Variants in LRP1B observed in about 807,000 individuals in gnomAD.
The protein encoded by LRP1B is LDL receptor related protein 1B.
A neutral mutation model predicts 556.6 loss-of-function variants in LRP1B; 217 were observed. The observed-to-expected ratio is 0.39, with a 90% CI of 0.35 to 0.44. The LOEUF (loss-of-function observed/expected upper bound fraction) is 0.44, where lower values mean the gene tolerates loss of function less well. LRP1B is among the 20% of genes least tolerant of loss of function. The pLI, the probability that LRP1B is intolerant of heterozygous loss-of-function variation, is 1.00. For synonymous variants in LRP1B, 2,047 were observed against 1,865.8 expected (o/e 1.10, Z -2.50); for missense variants, 5,053 against 5,620.8 (o/e 0.90, Z 3.23).
intron 25 of LRP1B, among the ~76,000 whole-genome samples, chr2:140,874,520 C>T (rs1000963018): frequency 6.6e-6 from 1 of 151,942 alleles, no homozygotes; most frequent in Non-Finnish European, 1.5e-5. Flanking sequence ...TTTCTTTTGC[C>T]TTTGGTAACC....
intron 2 of LRP1B, among the ~76,000 whole-genome samples, chr2:141,798,439 G>A (rs1695892879): frequency 6.6e-6 from 1 of 152,090 alleles, no homozygotes; most frequent in Non-Finnish European, 1.5e-5. Context: ...CAGGCACGGT[G>A]GCTCACGCCT....
At chr2:141,954,402 AG>A (rs1275079255) in intron 1 of LRP1B, among the ~76,000 whole-genome samples, 2 of 152,112 alleles carry the variant, frequency 1.3e-5, no homozygotes, top group African/African-American at 4.8e-5. Context: ...TATTTATTGC[AG>A]GGAAGTGTAC....
intron 87 of LRP1B, among the ~76,000 whole-genome samples, chr2:140,246,309 T>C (rs1178543632): frequency 6.6e-6 from 1 of 151,452 alleles, no homozygotes; most frequent in Non-Finnish European, 1.5e-5. Context: ...TGCAAGTTTA[T>C]TTACACCCAA....
chr2:141,927,351 TA>T (rs762191636), intron 1 of LRP1B, among the ~76,000 whole-genome samples: 6 of 152,164 alleles, frequency 3.9e-5, no homozygotes, highest in Non-Finnish European at 8.8e-5. Context: ...TAAATTTGTC[TA>T]AAGTTTTGAA....
At chr2:141,912,309 C>T (rs997654820) in intron 1 of LRP1B, among the ~76,000 whole-genome samples, 1 of 152,014 alleles carries the variant, frequency 6.6e-6, no homozygotes, top group Non-Finnish European at 1.5e-5. Context: ...AATCCCAACA[C>T]CAAAGTAGAT....
intron 1 of LRP1B, among the ~76,000 whole-genome samples, chr2:142,058,064 A>G (rs1380532260): frequency 6.6e-6 from 1 of 152,172 alleles, no homozygotes; most frequent in Non-Finnish European, 1.5e-5. Flanking sequence ...AGAAATAGGT[A>G]TGAATATGTA....
chr2:141,196,463 C>T (rs188615718), intron 6 of LRP1B, among the ~76,000 whole-genome samples: 5 of 152,192 alleles, frequency 3.3e-5, no homozygotes, highest in African/African-American at 1.2e-4. Flanking sequence ...CATCCTCCCA[C>T]AATCTAATTT....
At chr2:141,624,862 C>T (rs990534428) in intron 2 of LRP1B, among the ~76,000 whole-genome samples, 5 of 152,122 alleles carry the variant, frequency 3.3e-5, no homozygotes, top group African/African-American at 1.2e-4. Context: ...CTCCGCCTCC[C>T]AGGTTCATTC....
At chr2:141,103,708 G>GT (rs556602725) in intron 7 of LRP1B, among the ~76,000 whole-genome samples, 85,524 of 144,970 alleles carry the variant, frequency 0.59, 25,175 homozygotes, top group Middle Eastern at 0.76. Flanking sequence ...TAAGGCTGAA[G>GT]TTTTTTTTTT....
intron 2 of LRP1B, among the ~76,000 whole-genome samples, chr2:141,781,601 A>G (rs1695256940): frequency 1.3e-5 from 2 of 152,218 alleles, no homozygotes; most frequent in South Asian, 2.1e-4. Flanking sequence ...GGAAAGCAGC[A>G]TTTGTTTGAA....
chr2:141,129,821 T>C (rs1048236012), intron 7 of LRP1B, among the ~76,000 whole-genome samples: 4 of 148,258 alleles, frequency 2.7e-5, no homozygotes, highest in African/African-American at 1.0e-4. Flanking sequence ...TATGTAAATA[T>C]GAAAATGATT....
intron 41 of LRP1B, chr2:140,683,776 T>A (rs1345438700): frequency 5.2e-6 from 5 of 967,824 alleles, no homozygotes; most frequent in Non-Finnish European, 8.1e-6. Context: ...CTGACAGGAG[T>A]GGTCAGCTGT....
rs28619874 is a variant in LRP1B at position 141,414,385 on chromosome 2, G to A, written c.343+66011C>T. On this transcript the variant is annotated intron_variant, in intron 3 of 90. Transcript: ENST00000389484. Reference sequence around the variant, plus strand: ...GAAGAGCGGAAAGGAGGGAGGGAGGGAGGAAGAAAGGAAGACAACTAAAGC... The same window carrying A: ...GAAGAGCGGAAAGGAGGGAGGGAGGAAGGAAGAAAGGAAGACAACTAAAGC... Among the ~76,000 whole-genome samples the A allele has an allele frequency of 9.1e-3, 1,372 of 151,332 alleles. 19 individuals carry two copies. Among genetic ancestry groups the A allele is most frequent in the African/African-American group, 0.03 (1,254 of 41,140 alleles).
chr2:141,294,763 A>G (rs1255795130), intron 3 of LRP1B, among the ~76,000 whole-genome samples: 1 of 151,148 alleles, frequency 6.6e-6, no homozygotes, highest in Non-Finnish European at 1.5e-5. Flanking sequence ...ATAGAAACCT[A>G]AAACAAAAAT....
At chr2:141,469,396 C>T (rs1682372719) in intron 3 of LRP1B, among the ~76,000 whole-genome samples, 1 of 152,012 alleles carries the variant, frequency 6.6e-6, no homozygotes, top group South Asian at 2.1e-4. Flanking sequence ...AACAAAATAC[C>T]AGAGGCTTGG....
rs1411417598 is a variant in LRP1B at position 140,232,830 on chromosome 2, G to GA, written c.*355dup. 1.9e-5 allele frequency: 3 copies of GA among 157,900 alleles called. No homozygotes were observed. Among genetic ancestry groups the GA allele is most frequent in the Non-Finnish European group, 4.2e-5 (3 of 71,988 alleles). The allele number at this position is 157,900 out of a possible 1,614,324, so 9.8% of individuals were successfully genotyped here. ...AAACCGTATAATGGAAAAGTGCAGAGATTCTCCTCGTTGATTAAGTACAAC... is the reference window on the plus strand; with the variant it reads ...AAACCGTATAATGGAAAAGTGCAGAGAATTCTCCTCGTTGATTAAGTACAAC... On this transcript the variant is annotated 3_prime_UTR_variant, in exon 91 of 91. Coordinates refer to ENST00000389484, the MANE Select transcript of LRP1B (RefSeq NM_018557.3).
chr2:141,698,511 G>A (rs935066446), intron 2 of LRP1B, among the ~76,000 whole-genome samples: 1 of 149,898 alleles, frequency 6.7e-6, no homozygotes, highest in Non-Finnish European at 1.5e-5. Flanking sequence ...AAAAAAAAGA[G>A]TTTGACTATT....
intron 72 of LRP1B, among the ~76,000 whole-genome samples, chr2:140,364,428 G>A (rs1228941802): frequency 6.6e-6 from 1 of 151,542 alleles, no homozygotes; most frequent in Non-Finnish European, 1.5e-5. Context: ...TCTCTCTTCT[G>A]AATAGTGTTG....
chr2:140,264,623 C>T (rs560069058), intron 86 of LRP1B, among the ~76,000 whole-genome samples: 40 of 151,730 alleles, frequency 2.6e-4, no homozygotes, highest in South Asian at 8.3e-4. Context: ...TACTGGGTAT[C>T]AGGTCTTCAA....
Sources: allele counts gnomAD v4.1 joint callset (sites outside exome capture counted in the v4.1 genomes callset), GRCh38; gene constraint gnomAD v4.1.1; transcripts MANE v1.5; gene names NCBI Gene and HGNC (gene_info 2026-07-23, HGNC 2026-07-21).